Variants in TARS1 observed in about 807,000 individuals in gnomAD.
TARS1 encodes the protein threonyl-tRNA synthetase 1.
TARS1 carries 57 observed loss-of-function variants against 97.7 expected under a neutral mutation model. The observed-to-expected ratio is 0.58, with a 90% CI of 0.47 to 0.73. TARS1 has a LOEUF of 0.73. Ranked by LOEUF, TARS1 falls within the 30% of genes least tolerant of loss-of-function variation. TARS1 has a pLI of 0.00. For missense variants in TARS1, 806 were observed against 888.3 expected (o/e 0.91, Z 1.18); for synonymous variants, 312 against 293.7 (o/e 1.06, Z -0.64).
chr5:33,442,354 T>C (rs981251530), intron 1 of TARS1, among the ~76,000 whole-genome samples: 8 of 139,208 alleles, frequency 5.7e-5, no homozygotes, highest in African/African-American at 1.9e-4. Context: ...CTTAATAGAA[T>C]GTGGTCAACA....
chr5:33,455,189 A>G (rs1320621092), intron 5 of TARS1, 123 bp downstream of exon 5: 2 of 1,255,720 alleles, frequency 1.6e-6, no homozygotes, highest in African/African-American at 1.5e-5. Context: ...AGGTATGCCC[A>G]TTATCAGTAC....
Position 33,452,127 on chromosome 5 carries a change from A to T in TARS1, c.330-1162A>T, listed in dbSNP as rs561768693. ...TATACATTTTGTTGTAAACCCTTAG[A>T]CATAGAGAGCCACCAACACAGCAAG... On this transcript the variant is annotated intron_variant, in intron 3 of 18. Coordinates refer to ENST00000265112, the MANE Select transcript of TARS1 (RefSeq NM_152295.5). 1.4e-3 allele frequency among the ~76,000 whole-genome samples: 210 copies of T among 152,310 alleles called. 1 individual carries two copies. The highest frequency in any genetic ancestry group is 3.9e-3 in the South Asian group (19 of 4,822).
rs1298828173 is a variant in TARS1, at chr5:33,453,394, G to A, written c.435G>A (p.Glu145=). The change falls in exon 4 of 19, where the codon GAG becomes GAA. Residue 145 remains glutamate (E), a synonymous_variant. Coordinates refer to ENST00000265112, the MANE Select transcript of TARS1 (RefSeq NM_152295.5). The part of the protein sequence containing the change: ...EDCTLELLKF[E]DEEAQAVYWH... ...GTACCTTGGAGCTTCTCAAGTTTGA[G>A]GATGAGGAAGCTCAGGCAGTAAGTT... 1 of 1,613,260 alleles carries A rather than the reference G, an allele frequency of 6.2e-7. No individual in the cohort carries two copies. The highest frequency in any genetic ancestry group is 1.7e-5 in the Admixed American group (1 of 59,930).
At chr5:33,463,669 C>T in intron 16 of TARS1, 84 bp from the exon 17 acceptor site, 1 of 1,204,036 alleles carries the variant, frequency 8.3e-7, no homozygotes, top group East Asian at 2.5e-5. Context: ...GGAAAAGATA[C>T]TGAAGAGTAG....
chr5:33,461,329 T>C (rs773201357), intron 13 of TARS1, 34 bp downstream of exon 13: 1 of 1,595,760 alleles, frequency 6.3e-7, no homozygotes, highest in Non-Finnish European at 8.5e-7. Flanking sequence ...TTTTGAATAC[T>C]GTTTGAAATT....
intron 1 of TARS1, chr5:33,441,953 A>G (rs1181780231): frequency 2.0e-5 from 3 of 152,232 alleles, no homozygotes; most frequent in African/African-American, 4.8e-5. Context: ...AGGAACAGTA[A>G]TCAGAAGGAT....
chr5:33,442,825 G>A (rs1307273027), intron 1 of TARS1, among the ~76,000 whole-genome samples: 2 of 152,116 alleles, frequency 1.3e-5, no homozygotes, highest in Admixed American at 6.6e-5. Context: ...TCTTAATAAC[G>A]CTGTGAAGTG....
chr5:33,450,156 G>T (rs1741660372), intron 3 of TARS1, among the ~76,000 whole-genome samples: 1 of 152,100 alleles, frequency 6.6e-6, no homozygotes, highest in East Asian at 1.9e-4. Context: ...ATTCAACTTG[G>T]TTTTCATAGA....
At chr5:33,442,567 G>T (rs771402865) in intron 1 of TARS1, among the ~76,000 whole-genome samples, 1 of 151,730 alleles carries the variant, frequency 6.6e-6, no homozygotes, top group African/African-American at 2.4e-5. Context: ...ACGGAGTCTC[G>T]CTCTGTCACT....
Position 33,467,630 on chromosome 5 carries a change from A to G in TARS1, c.2094A>G (p.Glu698=), listed in dbSNP as rs2111615006. 1 of 1,614,080 alleles carries G rather than the reference A, an allele frequency of 6.2e-7. No individual in the cohort carries two copies. The highest frequency in any genetic ancestry group is 1.3e-5 in the African/African-American group (1 of 75,066). The change falls in exon 19 of 19, where the codon GAA becomes GAG. Residue 698 remains glutamate (E), a synonymous_variant. Coordinates refer to ENST00000265112, the MANE Select transcript of TARS1 (RefSeq NM_152295.5). ...CAAGAGACAATAAGGTCCACGGGGA[A>G]CGCACCATTTCTGAAACTATCGAGC... ...IRTRDNKVHG[E]RTISETIERL...
chr5:33,462,089 T>G lies in TARS1; in HGVS notation c.1731-10T>G, dbSNP rs1561078297. 5.0e-6 allele frequency: 8 copies of G among 1,607,932 alleles called. No individual in the cohort carries two copies. The highest frequency in any genetic ancestry group is 5.1e-6 in the Non-Finnish European group (6 of 1,177,972). On this transcript the variant is annotated splice_polypyrimidine_tract_variant and intron_variant, in intron 15 of 18. Transcript: ENST00000265112. ...ATAATAAGACAAAACAATTTTTTTT[T>G]TCTTTATAGCCATGATGGTGATGAT...
At position 33,441,048 on chromosome 5, in the gene TARS1, C is replaced by A. The variant is rs375214053; in HGVS notation, c.-39C>A. The A allele has an allele frequency of 9.9e-6, 16 of 1,613,786 alleles. No individual in the cohort carries two copies. The highest frequency in any genetic ancestry group is 1.7e-4 in the Middle Eastern group (1 of 6,060). ...GCCTCTTGGCTCCTCTCCTCTAGGCCGTCGCTTTCGGGTTCTCTCATCGCT... is the reference window on the plus strand; with the variant it reads ...GCCTCTTGGCTCCTCTCCTCTAGGCAGTCGCTTTCGGGTTCTCTCATCGCT... On this transcript the variant is annotated 5_prime_UTR_variant, in exon 1 of 19. Coordinates refer to ENST00000265112, the MANE Select transcript of TARS1 (RefSeq NM_152295.5).
intron 2 of TARS1, chr5:33,446,613 T>C: frequency 3.3e-6 from 4 of 1,228,118 alleles, no homozygotes; most frequent in Non-Finnish European, 4.3e-6. Flanking sequence ...CAAGGGCAAC[T>C]TGCAGGTTTT....
intron 16 of TARS1, 114 bp from the exon 17 acceptor site, chr5:33,463,639 A>G: frequency 1.1e-6 from 1 of 917,908 alleles, no homozygotes. Context: ...AAGTTTTAAA[A>G]GTAGTCGTTA....
rs537862148 is a variant in TARS1 at position 33,441,226 on chromosome 5, A to C, written c.57+83A>C. 5.5e-5 allele frequency: 86 copies of C among 1,550,558 alleles called. No individual in the cohort carries two copies. The East Asian group carries it at 1.8e-3, about 33-fold the overall frequency. On this transcript the variant is annotated intron_variant, in intron 1 of 18. Transcript: ENST00000265112. ...TACGCTCGCGGCGGGAGCGGGGGGC[A>C]GGAAGCAGGAAGCGGCCGGGACCGC...
rs772784895 is a variant in TARS1, at chr5:33,441,114, T to A, written c.28T>A (p.Ser10Thr). MFEEKASSPSGKMGGEEKPI... is the reference protein window; with the variant it reads MFEEKASSPTGKMGGEEKPI... ...GTTTGAGGAGAAGGCCAGCAGTCCT[T>A]CAGGGAAGATGGGAGGCGAGGAGAA... The change falls in exon 1 of 19, where the codon TCA (serine) becomes ACA (threonine). Residue 10 changes from serine (S) to threonine (T), a missense_variant. By Grantham distance (58) the Ser-to-Thr change is moderately conservative. Around this residue, in one of 3 missense-constraint regions of TARS1, gnomAD observed 356 missense variants for 357.8 expected, o/e 0.99. Coordinates refer to ENST00000265112, the MANE Select transcript of TARS1 (RefSeq NM_152295.5). 3.7e-6 allele frequency: 6 copies of A among 1,614,176 alleles called. No individual in the cohort carries two copies. The South Asian group carries it at 6.6e-5, about 18-fold the overall frequency.
At chr5:33,458,530 C>T (rs1396332905) in intron 9 of TARS1, 36 bp from the exon 10 acceptor site, 4 of 1,553,430 alleles carry the variant, frequency 2.6e-6, no homozygotes, top group Non-Finnish European at 3.5e-6. Flanking sequence ...GTATACGTGA[C>T]GTACATAAAC....
chr5:33,453,496 G>A, intron 4 of TARS1, 84 bp downstream of exon 4: 1 of 1,499,526 alleles, frequency 6.7e-7, no homozygotes, highest in Non-Finnish European at 9.0e-7. Flanking sequence ...GCTGCGATTG[G>A]GTGGCTAACA....
chr5:33,445,228 A>G (rs1741352143), intron 1 of TARS1, 96 bp from the exon 2 acceptor site: 2 of 922,300 alleles, frequency 2.2e-6, no homozygotes, highest in East Asian at 5.4e-5. Context: ...AAATTAAATA[A>G]CAAATACTAA....
Sources: allele counts gnomAD v4.1 joint callset (sites outside exome capture counted in the v4.1 genomes callset), GRCh38; gene constraint gnomAD v4.1.1; regional missense constraint gnomAD v4.1.1; transcripts MANE v1.5; gene names NCBI Gene and HGNC (gene_info 2026-07-23, HGNC 2026-07-21).